The following GRID2 variants were observed in gnomAD, a reference collection of about 807,000 sequenced individuals.
The protein encoded by GRID2 is glutamate ionotropic receptor delta type subunit 2.
In GRID2, 33 loss-of-function variants were observed where a neutral mutation model predicts 114.8. The ratio of observed to expected loss-of-function variants is 0.29; its 90% CI spans 0.22 to 0.38. The LOEUF (loss-of-function observed/expected upper bound fraction) is 0.38, where lower values mean the gene tolerates loss of function less well. GRID2 is among the 10% of genes least tolerant of loss of function. The pLI, the probability that GRID2 is intolerant of heterozygous loss-of-function variation, is 1.00. For synonymous variants in GRID2, 505 were observed against 449.9 expected, an observed-to-expected ratio of 1.12 and a Z score of -1.55; for missense variants, 1,184 against 1,257.7, an observed-to-expected ratio of 0.94 and a Z score of 0.89.
intron 2 of GRID2, among the ~76,000 whole-genome samples, chr4:93,021,538 AAATG>A (rs1723313366): frequency 6.8e-6 from 1 of 146,868 alleles, no homozygotes; most frequent in Admixed American, 6.8e-5. Context: ...TGTAAATAAA[AAATG>A]AATGAAAACA....
chr4:92,967,711 A>T (rs568846393), intron 2 of GRID2, among the ~76,000 whole-genome samples: 1 of 151,962 alleles, frequency 6.6e-6, no homozygotes, highest in South Asian at 2.1e-4. Context: ...CAATTTCTGG[A>T]GTTAATTATC....
At chr4:93,273,866 A>G (rs1195159997) in intron 8 of GRID2, among the ~76,000 whole-genome samples, 1 of 152,164 alleles carries the variant, frequency 6.6e-6, no homozygotes, top group African/African-American at 2.4e-5. Flanking sequence ...AATTATCAAA[A>G]GATAAATTTT....
At chr4:93,100,072 A>G (rs919309609) in intron 3 of GRID2, among the ~76,000 whole-genome samples, 7 of 151,952 alleles carry the variant, frequency 4.6e-5, no homozygotes, top group African/African-American at 1.7e-4. Context: ...TAAGCATATA[A>G]TTAATCCAAA....
chr4:93,214,989 C>T (rs78851345), intron 5 of GRID2, among the ~76,000 whole-genome samples: 1,916 of 152,052 alleles, frequency 0.013, 46 homozygotes, highest in African/African-American at 0.044. Flanking sequence ...GAATGAAGAG[C>T]TTCAAGTCTT....
At chr4:93,726,290 G>A (rs1032731291) in intron 14 of GRID2, among the ~76,000 whole-genome samples, 1 of 152,198 alleles carries the variant, frequency 6.6e-6, no homozygotes, top group African/African-American at 2.4e-5. Context: ...AGATCAGATA[G>A]TTGTAGATAT....
At chr4:93,016,288 G>A (rs1722705651) in intron 2 of GRID2, among the ~76,000 whole-genome samples, 1 of 152,116 alleles carries the variant, frequency 6.6e-6, no homozygotes, top group Admixed American at 6.6e-5. Context: ...GGGAAGTTAA[G>A]GAATGAAGTG....
intron 11 of GRID2, among the ~76,000 whole-genome samples, chr4:93,471,725 G>GTT (rs1724842143): frequency 7.8e-5 from 2 of 25,718 alleles, no homozygotes; most frequent in Admixed American, 2.5e-4. Flanking sequence ...TGGAGACGGA[G>GTT]TTTTTGCTCT....
chr4:92,591,718 T>A (rs545580268), intron 2 of GRID2, among the ~76,000 whole-genome samples: 1 of 152,172 alleles, frequency 6.6e-6, no homozygotes, highest in Non-Finnish European at 1.5e-5. Flanking sequence ...AACTTATTTA[T>A]GTTAGTTAGA....
At chr4:92,484,965 A>G (rs1722792903) in intron 1 of GRID2, among the ~76,000 whole-genome samples, 1 of 152,046 alleles carries the variant, frequency 6.6e-6, no homozygotes, top group African/African-American at 2.4e-5. Flanking sequence ...AACTTCATGT[A>G]GCGATCTAAT....
intron 1 of GRID2, among the ~76,000 whole-genome samples, chr4:92,314,197 G>A (rs1725849437): frequency 6.6e-6 from 1 of 151,882 alleles, no homozygotes; most frequent in Non-Finnish European, 1.5e-5. Flanking sequence ...ATTTCATTTA[G>A]TTTCCCAGAT....
chr4:93,354,782 A>G (rs1025818695), intron 8 of GRID2, among the ~76,000 whole-genome samples: 1 of 137,382 alleles, frequency 7.3e-6, no homozygotes, highest in Non-Finnish European at 1.5e-5. Flanking sequence ...TAATATTTAT[A>G]TATGAAGATT....
At chr4:92,892,220 C>T (rs774328709) in intron 2 of GRID2, among the ~76,000 whole-genome samples, 1 of 152,016 alleles carries the variant, frequency 6.6e-6, no homozygotes, top group Non-Finnish European at 1.5e-5. Flanking sequence ...CCTGCCACCA[C>T]ACCCAGCTAA....
At chr4:92,794,817 G>C (rs1292893912) in intron 2 of GRID2, among the ~76,000 whole-genome samples, 1 of 146,002 alleles carries the variant, frequency 6.8e-6, no homozygotes, top group African/African-American at 2.5e-5. Flanking sequence ...CTATCAACCG[G>C]CTACTGTTGA....
chr4:92,475,674 A>G (rs1331263771), intron 1 of GRID2, among the ~76,000 whole-genome samples: 4 of 151,944 alleles, frequency 2.6e-5, no homozygotes, highest in African/African-American at 9.7e-5. Flanking sequence ...TGGTTCTGTA[A>G]TGAATTTTAG....
chr4:92,353,683 C>T (rs1004200042), intron 1 of GRID2, among the ~76,000 whole-genome samples: 3 of 152,126 alleles, frequency 2.0e-5, no homozygotes, highest in Admixed American at 1.3e-4. Context: ...TCTTTACCAG[C>T]CTTTCCAGAT....
chr4:93,546,820 A>G (rs1733263872), intron 13 of GRID2, among the ~76,000 whole-genome samples: 1 of 152,076 alleles, frequency 6.6e-6, no homozygotes, highest in Non-Finnish European at 1.5e-5. Flanking sequence ...ATATTCTTTA[A>G]AGAGTAATAT....
At position 93,039,223 on chromosome 4, in the gene GRID2, A is replaced by G. The variant is rs138527443; in HGVS notation, c.245-45772A>G. 5.1e-3 allele frequency among the ~76,000 whole-genome samples: 775 copies of G among 152,194 alleles called. 9 individuals carry two copies. The highest frequency in any genetic ancestry group is 0.018 in the African/African-American group (740 of 41,534). The stretch of plus-strand genomic sequence containing the variant: ...CTCTGCAAGCTAACACAGGAACAGA[A>G]AACCAAACACCGCATGTTGTCACTC... On this transcript the variant is annotated intron_variant, in intron 2 of 15. Transcript: ENST00000282020.
intron 2 of GRID2, among the ~76,000 whole-genome samples, chr4:93,041,339 T>C (rs1425740998): frequency 6.6e-6 from 1 of 152,200 alleles, no homozygotes; most frequent in Non-Finnish European, 1.5e-5. Flanking sequence ...TCTCTCTTAA[T>C]GAGATCTTGC....
intron 1 of GRID2, among the ~76,000 whole-genome samples, chr4:92,458,855 G>C (rs2149085565): frequency 6.6e-6 from 1 of 152,260 alleles, no homozygotes; most frequent in African/African-American, 2.4e-5. Context: ...CATGTGATAA[G>C]GGTTACGGCA....
Sources: allele counts gnomAD v4.1 joint callset (sites outside exome capture counted in the v4.1 genomes callset), GRCh38; gene constraint gnomAD v4.1.1; transcripts MANE v1.5; gene names NCBI Gene and HGNC (gene_info 2026-07-23, HGNC 2026-07-21).